Variants in DLGAP1 observed in about 807,000 individuals in gnomAD.
DLGAP1 encodes the protein disks large-associated protein 1.
A neutral mutation model predicts 90.8 loss-of-function variants in DLGAP1; 11 were observed. That is an observed-to-expected ratio of 0.12 (90% confidence interval 0.08 to 0.20). The LOEUF is 0.20. Ranked by LOEUF, DLGAP1 falls within the 10% of genes least tolerant of loss-of-function variation. The pLI, the probability that DLGAP1 is intolerant of heterozygous loss-of-function variation, is 1.00. For missense variants in DLGAP1, 1,050 were observed against 1,333.8 expected, an observed-to-expected ratio of 0.79 and a Z score of 3.31; for synonymous variants, 558 against 540.7, an observed-to-expected ratio of 1.03 and a Z score of -0.44.
At chr18:4,395,175 G>A (rs184664295) in intron 1 of DLGAP1, among the ~76,000 whole-genome samples, 1 of 152,244 alleles carries the variant, frequency 6.6e-6, no homozygotes, top group East Asian at 1.9e-4. Context: ...ATTGCATTGG[G>A]AATTCTTTAC....
At chr18:4,037,649 T>C (rs562475082) in intron 2 of DLGAP1, among the ~76,000 whole-genome samples, 17 of 152,162 alleles carry the variant, frequency 1.1e-4, no homozygotes, top group Non-Finnish European at 2.2e-4. Context: ...CTTTTTAGAC[T>C]CAGGGAACAT....
In DLGAP1 at chr18:3,786,978, G is replaced by GAAAGCATTGTCTTAGATA. The variant is rs1348244122; in HGVS notation, c.1172+27080_1172+27081insTATCTAAGACAATGCTTT. Among the ~76,000 whole-genome samples, 18 of 152,274 alleles carry GAAAGCATTGTCTTAGATA rather than the reference G, an allele frequency of 1.2e-4. No homozygotes were observed. In the East Asian group the frequency reaches 1.9e-3, roughly 16 times the overall value. On this transcript the variant is annotated intron_variant, in intron 5 of 12. Transcript: ENST00000315677. ...TTCGCATTTTTACATTGTCTTAGAT[G>GAAAGCATTGTCTTAGATA]AAAGCAGTGAATAAGTACCAAATGG...
intron 1 of DLGAP1, among the ~76,000 whole-genome samples, chr18:4,452,338 T>A (rs908864637): frequency 6.6e-6 from 1 of 152,170 alleles, no homozygotes; most frequent in African/African-American, 2.4e-5. Flanking sequence ...AGAGTTGATG[T>A]TCAAAGAATA....
chr18:3,697,145 C>A (rs1233669245), intron 7 of DLGAP1, among the ~76,000 whole-genome samples: 1 of 152,054 alleles, frequency 6.6e-6, no homozygotes, highest in South Asian at 2.1e-4. Flanking sequence ...AAAACCAGCT[C>A]CTGGATTCAT....
intron 5 of DLGAP1, among the ~76,000 whole-genome samples, chr18:3,760,062 C>A (rs756107873): frequency 6.6e-6 from 1 of 152,178 alleles, no homozygotes; most frequent in Non-Finnish European, 1.5e-5. Context: ...GTGGGCTTCC[C>A]GAGGGCAGTG....
At chr18:4,309,652 A>C (rs1459929379) in intron 1 of DLGAP1, among the ~76,000 whole-genome samples, 1 of 152,190 alleles carries the variant, frequency 6.6e-6, no homozygotes, top group Non-Finnish European at 1.5e-5. Context: ...TGTAATTACA[A>C]AAGCCAAGGA....
intron 1 of DLGAP1, among the ~76,000 whole-genome samples, chr18:4,175,061 C>G (rs1329007446): frequency 1.3e-5 from 2 of 152,126 alleles, no homozygotes; most frequent in Admixed American, 6.5e-5. Context: ...CATTCCTATT[C>G]CTCCACAGCC....
intron 2 of DLGAP1, among the ~76,000 whole-genome samples, chr18:4,087,468 C>T (rs540661557): frequency 2.0e-4 from 31 of 152,330 alleles, no homozygotes; most frequent in African/African-American, 6.0e-4. Flanking sequence ...ACTAGCCAGA[C>T]CCATCCCTTT....
intron 1 of DLGAP1, among the ~76,000 whole-genome samples, chr18:4,301,637 C>T (rs1290889066): frequency 1.3e-5 from 2 of 152,140 alleles, no homozygotes; most frequent in East Asian, 1.9e-4. Flanking sequence ...GCCTTTGACA[C>T]GCTGATTTCA....
intron 1 of DLGAP1, among the ~76,000 whole-genome samples, chr18:4,379,729 G>A (rs2082080052): frequency 6.6e-6 from 1 of 152,136 alleles, no homozygotes; most frequent in Non-Finnish European, 1.5e-5. Context: ...GAGCACTCCA[G>A]TAGGCATTCC....
chr18:3,934,891 A>C (rs756904831), intron 3 of DLGAP1, among the ~76,000 whole-genome samples: 5 of 152,224 alleles, frequency 3.3e-5, no homozygotes, highest in Non-Finnish European at 7.3e-5. Flanking sequence ...CAGTGTGATG[A>C]AGGATCAAAA....
intron 2 of DLGAP1, among the ~76,000 whole-genome samples, chr18:4,103,926 C>T (rs966369293): frequency 6.6e-6 from 1 of 152,078 alleles, no homozygotes; most frequent in South Asian, 2.1e-4. Context: ...GCTTTAGAGT[C>T]ATTCTTATAA....
chr18:3,705,982 A>AT (rs71368704), intron 7 of DLGAP1, among the ~76,000 whole-genome samples: 3,377 of 127,234 alleles, frequency 0.027, 188 homozygotes, highest in African/African-American at 0.09. Flanking sequence ...TTAATGGTGC[A>AT]TTTTTTTTTT....
chr18:3,880,171 T>A, intron 3 of DLGAP1, 31 bp from the exon 4 acceptor site: 3 of 1,060,230 alleles, frequency 2.8e-6, no homozygotes, highest in Non-Finnish European at 4.2e-6. Context: ...GCAAAGTCGT[T>A]AACATTTCTC....
At chr18:4,386,352 G>A (rs76998136) in intron 1 of DLGAP1, among the ~76,000 whole-genome samples, 3 of 152,022 alleles carry the variant, frequency 2.0e-5, no homozygotes, top group African/African-American at 7.3e-5. Flanking sequence ...ACAAAAATCT[G>A]ACTATCTTAT....
chr18:4,338,010 C>T (rs972098497), intron 1 of DLGAP1, among the ~76,000 whole-genome samples: 2 of 152,128 alleles, frequency 1.3e-5, no homozygotes, highest in African/African-American at 4.8e-5. Context: ...CAGAGTGAAT[C>T]ATAGTTTTTA....
chr18:3,933,674 C>G (rs1385047403), intron 3 of DLGAP1, among the ~76,000 whole-genome samples: 3 of 152,202 alleles, frequency 2.0e-5, no homozygotes, highest in Non-Finnish European at 4.4e-5. Flanking sequence ...CTTAATCACC[C>G]TTGCATCCAG....
intron 2 of DLGAP1, among the ~76,000 whole-genome samples, chr18:4,016,740 G>A (rs951002657): frequency 6.6e-6 from 1 of 152,156 alleles, no homozygotes; most frequent in Non-Finnish European, 1.5e-5. Context: ...TTCTACCTGC[G>A]AGGCTCCAGC....
At chr18:4,298,619 G>A (rs2080042751) in intron 1 of DLGAP1, among the ~76,000 whole-genome samples, 1 of 151,248 alleles carries the variant, frequency 6.6e-6, no homozygotes, top group South Asian at 2.1e-4. Context: ...TCTGGGGACT[G>A]TTGTGGGGTG....
Sources: allele counts gnomAD v4.1 joint callset (sites outside exome capture counted in the v4.1 genomes callset), GRCh38; gene constraint gnomAD v4.1.1; transcripts MANE v1.5; gene names NCBI Gene and HGNC (gene_info 2026-07-23, HGNC 2026-07-21).